Variants in CCDC175 observed in about 807,000 individuals in gnomAD.
The protein encoded by CCDC175 is coiled-coil domain containing 175.
A neutral mutation model predicts 114.6 loss-of-function variants in CCDC175; 100 were observed. The ratio of observed to expected loss-of-function variants is 0.87; its 90% confidence interval spans 0.74 to 1.03. The LOEUF (loss-of-function observed/expected upper bound fraction) is 1.03, where lower values mean the gene tolerates loss of function less well. Among genes scored for constraint, CCDC175 ranks in the 50% least tolerant of loss-of-function variants. The probability of loss-of-function intolerance (pLI) is 0.00; values close to 1 mark genes in which losing one functional copy is unlikely to be tolerated. For synonymous variants in CCDC175, 306 were observed against 308.7 expected (o/e 0.99, Z 0.09); for missense variants, 880 against 917.8 (o/e 0.96, Z 0.53).
intron 8 of CCDC175, among the ~76,000 whole-genome samples, chr14:59,545,539 A>T (rs945888431): frequency 6.6e-6 from 1 of 152,240 alleles, no homozygotes; most frequent in Non-Finnish European, 1.5e-5. Flanking sequence ...ATAGAGTAAT[A>T]ATCCATATTG....
intron 17 of CCDC175, among the ~76,000 whole-genome samples, chr14:59,517,557 A>C (rs1310998916): frequency 6.6e-6 from 1 of 152,158 alleles, no homozygotes; most frequent in Non-Finnish European, 1.5e-5. Context: ...TCGTGAGTGA[A>C]CTCCCATTCA....
intron 7 of CCDC175, among the ~76,000 whole-genome samples, chr14:59,554,848 A>G (rs1239746269): frequency 6.6e-6 from 1 of 152,178 alleles, no homozygotes; most frequent in Non-Finnish European, 1.5e-5. Flanking sequence ...CTCTACGCAA[A>G]TAAACTAGAA....
At chr14:59,559,098 T>G (rs1014625041) in intron 7 of CCDC175, among the ~76,000 whole-genome samples, 3 of 152,172 alleles carry the variant, frequency 2.0e-5, no homozygotes, top group African/African-American at 7.2e-5. Flanking sequence ...GTGGCAATTC[T>G]GAAACCACGT....
In CCDC175 at chr14:59,550,263, A is replaced by G. The variant is rs7142994; in HGVS notation, c.1035+1092T>C. On this transcript the variant is annotated intron_variant, in intron 8 of 19. Transcript: ENST00000537690. ...CAATAACGTATTATGAGCAATACTG[A>G]TACTTATTTAACCAAGGCCTTTTGG... Among the ~76,000 whole-genome samples the G allele has an allele frequency of 4.0e-3, 608 of 152,200 alleles. 2 individuals are homozygous for G. The highest frequency in any genetic ancestry group is 0.014 in the African/African-American group (569 of 41,522).
intron 4 of CCDC175, among the ~76,000 whole-genome samples, chr14:59,566,464 T>G (rs574638233): frequency 6.6e-6 from 1 of 152,236 alleles, no homozygotes; most frequent in South Asian, 2.1e-4. Flanking sequence ...GAGGTCAAAC[T>G]CCACAAAAGA....
Position 59,568,316 on chromosome 14 carries a change from T to A in CCDC175, c.420A>T (p.Thr140=), listed in dbSNP as rs1362719028. Reference sequence around the variant, plus strand: ...GAAGCTCTATTTCATTCTCTGTCCTTGTAATTCTCATTTTTATTGTATTTA... The same window carrying A: ...GAAGCTCTATTTCATTCTCTGTCCTAGTAATTCTCATTTTTATTGTATTTA... The part of the protein sequence containing the change: ...FEINTIKMRI[T]RTENEIELLK... The change falls in exon 4 of 20, where the codon ACA becomes ACT. Residue 140 remains threonine, a synonymous_variant. Coordinates refer to ENST00000537690, the MANE Select transcript of CCDC175 (RefSeq NM_001164399.2). 5 of 1,533,226 alleles carry A rather than the reference T, an allele frequency of 3.3e-6. No individual in the cohort carries two copies. The highest frequency in any genetic ancestry group is 4.4e-6 in the Non-Finnish European group (5 of 1,145,218). 95.0% of individuals were successfully genotyped at this position (1,533,226 alleles called of 1,614,324 possible).
intron 14 of CCDC175, among the ~76,000 whole-genome samples, chr14:59,531,123 TAA>T (rs34343088): frequency 6.8e-6 from 1 of 147,280 alleles, no homozygotes. Flanking sequence ...TGGTTTTGTT[TAA>T]AAAAAAAAAA....
rs1397897301 is a variant in CCDC175 at position 59,565,222 on chromosome 14, T to C, written c.545A>G (p.Asn182Ser). The C allele has an allele frequency of 6.5e-7, 1 of 1,537,814 alleles. No individual in the cohort carries two copies. The highest frequency in any genetic ancestry group is 8.7e-7 in the Non-Finnish European group (1 of 1,147,042). ...GGTGGCTTTTTTCTCCATAGTTTGG[T>C]TGAGTGACAGGACAAACCTTGCATG... ...RKHARFVLSL[N>S]QTMEKKATTT... is the part of the protein sequence containing the mutation. The change falls in exon 5 of 20, where the codon AAC becomes AGC. Residue 182 changes from asparagine to serine, a missense_variant. Coordinates refer to ENST00000537690, the MANE Select transcript of CCDC175 (RefSeq NM_001164399.2).
At chr14:59,514,813 G>A (rs1328496949) in intron 17 of CCDC175, among the ~76,000 whole-genome samples, 1 of 152,140 alleles carries the variant, frequency 6.6e-6, no homozygotes, top group Non-Finnish European at 1.5e-5. Flanking sequence ...GAAATACAGA[G>A]AATGCCACAA....
At chr14:59,563,693 GC>G (rs1216453913) in intron 6 of CCDC175, 43 bp downstream of exon 6, 61 of 1,200,200 alleles carry the variant, frequency 5.1e-5, no homozygotes, top group Non-Finnish European at 6.5e-5. Flanking sequence ...TTATTGAGGT[GC>G]CTAGATAAGG....
chr14:59,513,882 T>G (rs561614547), intron 17 of CCDC175, among the ~76,000 whole-genome samples: 1 of 152,332 alleles, frequency 6.6e-6, no homozygotes, highest in East Asian at 1.9e-4. Context: ...AGCACGTCCT[T>G]GACCCCCGAG....
intron 14 of CCDC175, among the ~76,000 whole-genome samples, chr14:59,528,884 G>A (rs1236695286): frequency 1.3e-5 from 2 of 151,838 alleles, no homozygotes; most frequent in Non-Finnish European, 2.9e-5. Flanking sequence ...TAATCTTTAA[G>A]CATCATTTTC....
chr14:59,530,839 G>C (rs1252684245), intron 14 of CCDC175, among the ~76,000 whole-genome samples: 1 of 152,020 alleles, frequency 6.6e-6, no homozygotes, highest in Non-Finnish European at 1.5e-5. Context: ...TCCCATTGTA[G>C]TCCTTTCTGT....
chr14:59,509,933 G>T (rs1013559472), intron 19 of CCDC175, among the ~76,000 whole-genome samples: 1 of 152,172 alleles, frequency 6.6e-6, no homozygotes, highest in African/African-American at 2.4e-5. Context: ...CCAGATGACA[G>T]TATTCTTGTT....
At chr14:59,529,372 A>G (rs767483481) in intron 14 of CCDC175, among the ~76,000 whole-genome samples, 1 of 152,126 alleles carries the variant, frequency 6.6e-6, no homozygotes, top group Non-Finnish European at 1.5e-5. Flanking sequence ...TTTTGCCAGC[A>G]TTGAGGAGGA....
chr14:59,544,800 C>T (rs1281643425), intron 9 of CCDC175, among the ~76,000 whole-genome samples: 1 of 152,120 alleles, frequency 6.6e-6, no homozygotes, highest in Non-Finnish European at 1.5e-5. Context: ...TGGATGAGGA[C>T]ATGAGGGTGG....
chr14:59,537,067 C>T (rs1894445188), intron 13 of CCDC175, among the ~76,000 whole-genome samples: 3 of 152,204 alleles, frequency 2.0e-5, no homozygotes, highest in Admixed American at 6.5e-5. Flanking sequence ...TGGCCTGAGC[C>T]ACTGCACCTG....
At chr14:59,547,313 C>A (rs1005393152) in intron 8 of CCDC175, among the ~76,000 whole-genome samples, 4 of 152,168 alleles carry the variant, frequency 2.6e-5, no homozygotes, top group African/African-American at 9.7e-5. Flanking sequence ...CCTCTTCAAA[C>A]TGATTTACAG....
intron 13 of CCDC175, among the ~76,000 whole-genome samples, chr14:59,534,846 A>G (rs112819780): frequency 0.041 from 6,262 of 152,262 alleles, 165 homozygotes; most frequent in Non-Finnish European, 0.06. Flanking sequence ...ATTATGAACC[A>G]GTGACTAATC....
Sources: gnomAD v4.1 joint callset for allele counts (sites outside exome capture counted in the v4.1 genomes callset) on GRCh38, gnomAD v4.1.1 for gene constraint, MANE v1.5 for transcripts, NCBI Gene and HGNC (gene_info 2026-07-23, HGNC 2026-07-21) for gene names.